Variants in ADAMTSL1 observed in about 807,000 individuals in gnomAD.
The protein encoded by ADAMTSL1 is ADAMTS like 1.
ADAMTSL1 carries 126 observed loss-of-function variants against 201.8 expected under a neutral mutation model. The ratio of observed to expected loss-of-function variants is 0.62; its 90% CI spans 0.54 to 0.72. ADAMTSL1 has a LOEUF of 0.72. Ranked by LOEUF, ADAMTSL1 falls within the 30% of genes least tolerant of loss-of-function variation. The pLI, the probability that ADAMTSL1 is intolerant of heterozygous loss-of-function variation, is 0.00. For synonymous variants in ADAMTSL1, 1,121 were observed against 903.4 expected (o/e 1.24, Z -4.32); for missense variants, 2,679 against 2,277.8 (o/e 1.18, Z -3.59).
chr9:18,263,146 G>A (rs921952100), intron 2 of ADAMTSL1, among the ~76,000 whole-genome samples: 4 of 152,128 alleles, frequency 2.6e-5, no homozygotes, highest in African/African-American at 9.7e-5. Context: ...CACATGAGAA[G>A]CCCAGAAAAT....
intron 1 of ADAMTSL1, among the ~76,000 whole-genome samples, chr9:18,144,437 C>T (rs576985796): frequency 6.6e-6 from 1 of 152,188 alleles, no homozygotes; most frequent in Admixed American, 6.5e-5. Context: ...AGCTCCTGAC[C>T]TCAGGTGATC....
chr9:18,161,740 G>A (rs1182005497), intron 1 of ADAMTSL1, among the ~76,000 whole-genome samples: 1 of 152,038 alleles, frequency 6.6e-6, no homozygotes, highest in Non-Finnish European at 1.5e-5. Flanking sequence ...ACAGGCTTTG[G>A]AGTATATTTA....
At chr9:18,243,698 C>A (rs10963534) in intron 2 of ADAMTSL1, among the ~76,000 whole-genome samples, 43,470 of 151,868 alleles carry the variant, frequency 0.29, 6,338 homozygotes, top group East Asian at 0.44. Flanking sequence ...ACTATGACAT[C>A]TTGGTAAACA....
chr9:18,901,731 A>G (rs1193061397), intron 26 of ADAMTSL1, among the ~76,000 whole-genome samples: 1 of 152,212 alleles, frequency 6.6e-6, no homozygotes, highest in Non-Finnish European at 1.5e-5. Flanking sequence ...AAGACAACAT[A>G]AGTGGAGGGA....
intron 23 of ADAMTSL1, among the ~76,000 whole-genome samples, chr9:18,835,688 T>A (rs914166447): frequency 7.9e-5 from 12 of 152,146 alleles, no homozygotes; most frequent in African/African-American, 1.9e-4. Flanking sequence ...CCCCAGTGTC[T>A]ACTGTTGCCA....
At chr9:18,873,651 G>GGTCTTTT (rs1385590982) in intron 23 of ADAMTSL1, among the ~76,000 whole-genome samples, 5 of 152,072 alleles carry the variant, frequency 3.3e-5, no homozygotes, top group African/African-American at 1.2e-4. Context: ...CTGTTCCATT[G>GGTCTTTT]GTCTTTTTAT....
At chr9:17,994,268 G>A (rs1212651049) in intron 1 of ADAMTSL1, among the ~76,000 whole-genome samples, 2 of 152,164 alleles carry the variant, frequency 1.3e-5, no homozygotes, top group Non-Finnish European at 2.9e-5. Context: ...CAAGGGTTGA[G>A]CTGTCGCTGG....
At chr9:18,593,605 C>T (rs949363572) in intron 4 of ADAMTSL1, among the ~76,000 whole-genome samples, 1 of 151,962 alleles carries the variant, frequency 6.6e-6, no homozygotes, top group East Asian at 1.9e-4. Flanking sequence ...GTCATGTTTT[C>T]ATTATCTATA....
intron 1 of ADAMTSL1, among the ~76,000 whole-genome samples, chr9:17,961,081 G>A (rs1328120665): frequency 6.6e-6 from 1 of 152,064 alleles, no homozygotes; most frequent in Non-Finnish European, 1.5e-5. Flanking sequence ...TAGAAGTTTT[G>A]AGGCAGGTTA....
chr9:18,273,440 C>G (rs1156942560), intron 2 of ADAMTSL1, among the ~76,000 whole-genome samples: 1 of 152,166 alleles, frequency 6.6e-6, no homozygotes, highest in East Asian at 1.9e-4. Context: ...TTGGATATAG[C>G]TGTCTCTGAG....
In ADAMTSL1 at chr9:18,356,481, T is replaced by C. The variant is rs1836235737; in HGVS notation, c.208-148348T>C. Among the ~76,000 whole-genome samples the C allele has an allele frequency of 2.0e-5, 3 of 148,170 alleles. No individual in the cohort carries two copies. The Admixed American group carries it at 2.1e-4, about 10-fold the overall frequency. On this transcript the variant is annotated intron_variant, in intron 2 of 29. Transcript: ENST00000680146. Reference sequence around the variant, plus strand: ...AGTTCAAGGCTTCAGTGAGCTATGATTGTGCTAGTGTATCCAGCTTGGGGG... The same window carrying C: ...AGTTCAAGGCTTCAGTGAGCTATGACTGTGCTAGTGTATCCAGCTTGGGGG...
chr9:18,778,326 C>T (rs892994966), intron 19 of ADAMTSL1, among the ~76,000 whole-genome samples: 18 of 152,204 alleles, frequency 1.2e-4, no homozygotes, highest in African/African-American at 4.3e-4. Context: ...TCCCCCAGGG[C>T]TGGGCAGAGA....
intron 3 of ADAMTSL1, among the ~76,000 whole-genome samples, chr9:18,567,754 C>T (rs1224823799): frequency 6.6e-6 from 1 of 152,120 alleles, no homozygotes; most frequent in Non-Finnish European, 1.5e-5. Flanking sequence ...ACATACAATG[C>T]ATGTATCTAT....
intron 13 of ADAMTSL1, among the ~76,000 whole-genome samples, chr9:18,698,896 A>C (rs1429894383): frequency 6.6e-6 from 1 of 152,172 alleles, no homozygotes; most frequent in Non-Finnish European, 1.5e-5. Flanking sequence ...CCTGATGGTC[A>C]GTGGGACCCT....
At chr9:18,476,017 T>C (rs1483815158) in intron 1 of ADAMTSL1, among the ~76,000 whole-genome samples, 4 of 152,142 alleles carry the variant, frequency 2.6e-5, no homozygotes, top group African/African-American at 9.7e-5. Flanking sequence ...TCAGAAGGAC[T>C]TAAAACATAT....
At chr9:17,958,845 G>A (rs970085713) in intron 1 of ADAMTSL1, among the ~76,000 whole-genome samples, 3 of 152,142 alleles carry the variant, frequency 2.0e-5, no homozygotes, top group Admixed American at 1.3e-4. Context: ...CATGGGAAAT[G>A]TGGGCCCATT....
chr9:18,418,903 A>G (rs1197654222), intron 2 of ADAMTSL1, among the ~76,000 whole-genome samples: 5 of 152,230 alleles, frequency 3.3e-5, no homozygotes, highest in African/African-American at 1.2e-4. Context: ...AAAAGACATA[A>G]AGTTGGAGGA....
intron 2 of ADAMTSL1, among the ~76,000 whole-genome samples, chr9:18,444,268 GGC>G (rs1229793037): frequency 6.6e-6 from 1 of 152,164 alleles, no homozygotes; most frequent in Non-Finnish European, 1.5e-5. Flanking sequence ...CTGGGTGCTT[GGC>G]AAATGCCATC....
chr9:18,587,259 A>T (rs1823564103), intron 4 of ADAMTSL1, among the ~76,000 whole-genome samples: 1 of 152,170 alleles, frequency 6.6e-6, no homozygotes, highest in African/African-American at 2.4e-5. Context: ...TATAAAACAA[A>T]CCACCCCAAG....
Sources: allele counts gnomAD v4.1 joint callset (sites outside exome capture counted in the v4.1 genomes callset), GRCh38; gene constraint gnomAD v4.1.1; transcripts MANE v1.5; gene names NCBI Gene and HGNC (gene_info 2026-07-23, HGNC 2026-07-21).